The following DBF4 variants were observed in gnomAD, a reference collection of about 807,000 sequenced individuals.
DBF4 encodes DBF4-CDC7 kinase regulatory subunit, also known as protein DBF4 homolog A.
Under a neutral mutation model 76.6 loss-of-function variants are expected in DBF4, and 25 were observed. That is an observed-to-expected ratio of 0.33 (90% confidence interval 0.24 to 0.46). The LOEUF (loss-of-function observed/expected upper bound fraction) is 0.46. DBF4 is among the 20% of genes least tolerant of loss of function. The probability of loss-of-function intolerance (pLI) is 1.00; values close to 1 mark genes in which losing one functional copy is unlikely to be tolerated. For missense variants in DBF4, 638 were observed against 760.8 expected (o/e 0.84, Z 1.90); for synonymous variants, 213 against 258.0 (o/e 0.83, Z 1.67).
chr7:87,894,664 A>G (rs1464322162), intron 6 of DBF4, among the ~76,000 whole-genome samples: 2 of 152,174 alleles, frequency 1.3e-5, no homozygotes, highest in South Asian at 2.1e-4. Flanking sequence ...TCATGTGATC[A>G]TATCTTTACT....
Position 87,885,124 on chromosome 7 carries a change from G to A in DBF4, c.365G>A (p.Ser122Asn). ...GCAGAAACCACTTCACCTCATCCCA[G>A]CCATGATGGAAGTTCATTTAAGTCA... ...YTAETTSPHPSHDGSSFKSPD... is the reference protein window; with the variant it reads ...YTAETTSPHPNHDGSSFKSPD... The change falls in exon 3 of 12, where the codon AGC (serine) becomes AAC (asparagine). Residue 122 changes from serine (S) to asparagine (N), a missense_variant. Ser to Asn is a conservative substitution (Grantham distance 46, BLOSUM62 1). Transcript: ENST00000265728. 3 of 1,610,266 alleles carry A rather than the reference G, an allele frequency of 1.9e-6. No individual in the cohort carries two copies. The highest frequency in any genetic ancestry group is 2.5e-6 in the Non-Finnish European group (3 of 1,178,192).
At chr7:87,891,150 G>A (rs942553236) in intron 6 of DBF4, among the ~76,000 whole-genome samples, 2 of 148,898 alleles carry the variant, frequency 1.3e-5, no homozygotes, top group Non-Finnish European at 3.0e-5. Context: ...TTTATTTAAA[G>A]TGCTTTGAGG....
At position 87,909,123 on chromosome 7, in the gene DBF4, G is replaced by A. The variant is rs1038579709; in HGVS notation, c.*960G>A. The A allele has an allele frequency of 6.6e-6, 1 of 152,150 alleles. No homozygotes were observed. Among genetic ancestry groups the A allele is most frequent in the African/African-American group, 2.4e-5 (1 of 41,408 alleles). The allele number at this position is 152,150 out of a possible 1,614,324, so 9.4% of individuals were successfully genotyped here. A position where few individuals can be genotyped will look rare whatever the true frequency, so the allele number is the denominator to read the frequency against. On this transcript the variant is annotated 3_prime_UTR_variant, in exon 12 of 12. Transcript: ENST00000265728. Reference sequence around the variant, plus strand: ...CCCCCTAATTTGGTAGGAGATGAAGGAGAAAAGGATGGCATTGAATTATAG... The same window carrying A: ...CCCCCTAATTTGGTAGGAGATGAAGAAGAAAAGGATGGCATTGAATTATAG...
At chr7:87,876,874 GCTT>G in intron 1 of DBF4, 96 bp downstream of exon 1, 4 of 1,385,588 alleles carry the variant, frequency 2.9e-6, no homozygotes, top group Non-Finnish European at 4.0e-6. Context: ...CGGGTCCTCA[GCTT>G]CTTTTCTTCT....
chr7:87,894,144 A>T (rs895297946), intron 6 of DBF4, among the ~76,000 whole-genome samples: 5 of 152,216 alleles, frequency 3.3e-5, no homozygotes, highest in Admixed American at 3.3e-4. Context: ...GACAATGTTA[A>T]ACTTTTTGCT....
chr7:87,897,978 A>T (rs545447805), intron 8 of DBF4, among the ~76,000 whole-genome samples: 1 of 152,240 alleles, frequency 6.6e-6, no homozygotes, highest in African/African-American at 2.4e-5. Flanking sequence ...GGGTTTCACC[A>T]TGTTGGCCAG....
At chr7:87,882,148 A>G (rs1839231275) in intron 2 of DBF4, among the ~76,000 whole-genome samples, 1 of 152,228 alleles carries the variant, frequency 6.6e-6, no homozygotes, top group Non-Finnish European at 1.5e-5. Context: ...AGACCAATAG[A>G]GTAGAACAGA....
chr7:87,885,251 T>G, intron 3 of DBF4, 93 bp downstream of exon 3: 1 of 1,113,770 alleles, frequency 9.0e-7, no homozygotes, highest in South Asian at 1.7e-5. Flanking sequence ...AGTTTACTTA[T>G]GTAGAACATT....
At chr7:87,904,437 A>G in intron 11 of DBF4, 21 bp downstream of exon 11, 1 of 1,605,232 alleles carries the variant, frequency 6.2e-7, no homozygotes, top group South Asian at 1.1e-5. Context: ...TTATCAACCT[A>G]AGTTTTAAAT....
In DBF4 at chr7:87,908,342, C is replaced by A. The variant is rs1385923021; in HGVS notation, c.*179C>A. The A allele has an allele frequency of 1.9e-6, 1 of 532,950 alleles. No homozygotes were observed. Among genetic ancestry groups the A allele is most frequent in the Non-Finnish European group, 2.9e-6 (1 of 342,158 alleles). 33.0% of individuals were successfully genotyped at this position (532,950 alleles called of 1,614,324 possible). A position where few individuals can be genotyped will look rare whatever the true frequency, so the allele number is the denominator to read the frequency against. The stretch of plus-strand genomic sequence containing the variant: ...TTGAATACCTGTTAAAGAAAAATTA[C>A]AGAATAAACTTGTGACTGGTCTTGT... On this transcript the variant is annotated 3_prime_UTR_variant, in exon 12 of 12. Coordinates refer to ENST00000265728, the MANE Select transcript of DBF4 (RefSeq NM_006716.4).
intron 8 of DBF4, among the ~76,000 whole-genome samples, chr7:87,898,518 G>C (rs554416670): frequency 6.6e-6 from 1 of 152,052 alleles, no homozygotes. Context: ...AAGGCCAGGC[G>C]CGGTGGCTCA....
At chr7:87,905,578 T>C (rs1275594717) in intron 11 of DBF4, among the ~76,000 whole-genome samples, 2 of 152,200 alleles carry the variant, frequency 1.3e-5, no homozygotes, top group Non-Finnish European at 2.9e-5. Flanking sequence ...ACAAAAATTG[T>C]CCTGATTAGA....
At chr7:87,900,712 G>A in intron 9 of DBF4, 52 bp from the exon 10 acceptor site, 3 of 1,448,520 alleles carry the variant, frequency 2.1e-6, no homozygotes, top group Admixed American at 3.9e-5. Flanking sequence ...AATTTTTAAA[G>A]TTATTCCTTA....
chr7:87,892,997 T>C (rs1482740984), intron 6 of DBF4, among the ~76,000 whole-genome samples: 2 of 152,210 alleles, frequency 1.3e-5, no homozygotes, highest in Non-Finnish European at 2.9e-5. Context: ...TATATTCTGC[T>C]GTGGTTGGGT....
intron 8 of DBF4, among the ~76,000 whole-genome samples, chr7:87,898,743 A>T (rs1303310890): frequency 6.6e-6 from 1 of 150,968 alleles, no homozygotes; most frequent in Non-Finnish European, 1.5e-5. Flanking sequence ...GTGAGCCGAG[A>T]TCACGCCACT....
chr7:87,905,180 G>A (rs980421286), intron 11 of DBF4, among the ~76,000 whole-genome samples: 4 of 152,210 alleles, frequency 2.6e-5, no homozygotes, highest in Non-Finnish European at 5.9e-5. Flanking sequence ...TAAAGAGCCA[G>A]ATAGTTGATA....
intron 6 of DBF4, among the ~76,000 whole-genome samples, chr7:87,890,148 A>G (rs528253668): frequency 3.9e-4 from 59 of 152,356 alleles, no homozygotes; most frequent in African/African-American, 1.3e-3. Flanking sequence ...TGTGGTGGAT[A>G]TTAATATTTC....
Position 87,895,048 on chromosome 7 carries a change from C to T in DBF4, c.598-1426C>T, listed in dbSNP as rs78260831. 2.4e-3 allele frequency among the ~76,000 whole-genome samples: 364 copies of T among 152,036 alleles called. 1 individual carries two copies. The highest frequency in any genetic ancestry group is 8.2e-3 in the African/African-American group (339 of 41,486). ...TCCACAGATCCCTGTGGCTCTTTTC[C>T]TTTTTTCCTTAGTCTTTTTTGTTTC... is the stretch of plus-strand genomic sequence containing the variant. On this transcript the variant is annotated intron_variant, in intron 6 of 11. Transcript: ENST00000265728.
At chr7:87,905,044 A>C (rs1584374747) in intron 11 of DBF4, among the ~76,000 whole-genome samples, 1 of 152,158 alleles carries the variant, frequency 6.6e-6, no homozygotes, top group Admixed American at 6.5e-5. Flanking sequence ...TCTGCCTCCC[A>C]GGTACAAAAG....
Sources: allele counts gnomAD v4.1 joint callset (sites outside exome capture counted in the v4.1 genomes callset), GRCh38; gene constraint gnomAD v4.1.1; transcripts MANE v1.5; gene names NCBI Gene and HGNC (gene_info 2026-07-23, HGNC 2026-07-21).